Variants in DOCK7 observed in about 807,000 individuals in gnomAD.
The protein encoded by DOCK7 is dedicator of cytokinesis 7, also known as dedicator of cytokinesis protein 7.
Under a neutral mutation model 271.0 loss-of-function variants are expected in DOCK7, and 138 were observed. That is an observed-to-expected ratio of 0.51 (90% CI 0.44 to 0.59). The LOEUF is 0.59. DOCK7 is among the 20% of genes least tolerant of loss of function. DOCK7 has a pLI of 0.00. For synonymous variants in DOCK7, 823 were observed against 876.1 expected (o/e 0.94, Z 1.07); for missense variants, 2,066 against 2,592.4 (o/e 0.80, Z 4.41).
At chr1:62,604,316 A>G in intron 14 of DOCK7, 1 of 1,538,456 alleles carries the variant, frequency 6.5e-7, no homozygotes, top group Non-Finnish European at 8.9e-7. Flanking sequence ...CTGCAATGAC[A>G]ACTTTTAAAA....
chr1:62,672,731 T>C (rs949344718), intron 1 of DOCK7, among the ~76,000 whole-genome samples: 14 of 152,116 alleles, frequency 9.2e-5, no homozygotes, highest in African/African-American at 2.9e-4. Flanking sequence ...AATTAAAAAA[T>C]AGATATTTTT....
chr1:62,649,623 A>G (rs1336724962), intron 4 of DOCK7, among the ~76,000 whole-genome samples: 2 of 152,196 alleles, frequency 1.3e-5, no homozygotes, highest in Non-Finnish European at 2.9e-5. Flanking sequence ...GAAAGCAAAG[A>G]ATGATTCATG....
At chr1:62,612,254 C>T (rs1651888884) in intron 14 of DOCK7, among the ~76,000 whole-genome samples, 1 of 152,048 alleles carries the variant, frequency 6.6e-6, no homozygotes, top group Non-Finnish European at 1.5e-5. Context: ...AAAAATATTA[C>T]CAACAAAACA....
intron 20 of DOCK7, 110 bp from the exon 21 acceptor site, chr1:62,556,099 C>A: frequency 9.3e-7 from 1 of 1,074,744 alleles, no homozygotes; most frequent in Non-Finnish European, 1.4e-6. Context: ...AGTGACTACA[C>A]AGTAAGTGTA....
At chr1:62,526,125 G>A (rs1370408584) in intron 31 of DOCK7, among the ~76,000 whole-genome samples, 1 of 152,064 alleles carries the variant, frequency 6.6e-6, no homozygotes, top group African/African-American at 2.4e-5. Context: ...GTTTTGGATA[G>A]AAACAGAGTT....
At chr1:62,562,366 G>C (rs1455896378) in intron 18 of DOCK7, among the ~76,000 whole-genome samples, 1 of 149,814 alleles carries the variant, frequency 6.7e-6, no homozygotes, top group Non-Finnish European at 1.5e-5. Flanking sequence ...CGAATAACTG[G>C]GACACGCCCA....
chr1:62,642,182 C>T (rs577917894), intron 7 of DOCK7, among the ~76,000 whole-genome samples: 2 of 151,104 alleles, frequency 1.3e-5, no homozygotes, highest in South Asian at 4.2e-4. Flanking sequence ...GATCTCTACT[C>T]ACTGAAACCT....
At chr1:62,650,221 T>C (rs988329256) in intron 4 of DOCK7, among the ~76,000 whole-genome samples, 1 of 152,242 alleles carries the variant, frequency 6.6e-6, no homozygotes, top group Non-Finnish European at 1.5e-5. Context: ...TGTTGGTTTA[T>C]TGTCTATTGA....
chr1:62,622,823 G>A (rs912797452), intron 12 of DOCK7, among the ~76,000 whole-genome samples: 5 of 151,996 alleles, frequency 3.3e-5, no homozygotes, highest in Non-Finnish European at 7.4e-5. Flanking sequence ...CCAGCTACTC[G>A]GGAGGCTGAG....
chr1:62,528,188 T>C lies in DOCK7; in HGVS notation c.3899A>G (p.Gln1300Arg), dbSNP rs1169756185. ...GAGGAAACTGCCAGGCCTTGTTAGTTGAGGGACCGATGTCCCTGCGATTGC... is the reference window on the plus strand; with the variant it reads ...GAGGAAACTGCCAGGCCTTGTTAGTCGAGGGACCGATGTCCCTGCGATTGC... ...AMAIAGTSVPQLTRPGSFLLT... is the reference protein window; with the variant it reads ...AMAIAGTSVPRLTRPGSFLLT... The change falls in exon 31 of 50, where the codon CAA (glutamine) becomes CGA (arginine). Residue 1300 changes from glutamine to arginine, a missense_variant. Physicochemically the swap from Gln to Arg is conservative, Grantham distance 43. Coordinates refer to ENST00000635253, the MANE Select transcript of DOCK7 (RefSeq NM_001367561.1). The C allele has an allele frequency of 6.2e-7, 1 of 1,613,524 alleles. No individual in the cohort carries two copies. The highest frequency in any genetic ancestry group is 8.5e-7 in the Non-Finnish European group (1 of 1,179,754).
chr1:62,674,548 T>C (rs1197671126), intron 1 of DOCK7, among the ~76,000 whole-genome samples: 2 of 152,208 alleles, frequency 1.3e-5, no homozygotes, highest in African/African-American at 4.8e-5. Context: ...CTTACAAATT[T>C]CAAATTTTAC....
Position 62,495,831 on chromosome 1 carries a change from G to A in DOCK7, c.4924-150C>T, listed in dbSNP as rs971975263. The A allele has an allele frequency of 2.6e-5, 15 of 566,048 alleles. No individual in the cohort carries two copies. The East Asian group carries it at 3.1e-4, about 12-fold the overall frequency. The allele number at this position is 566,048 out of a possible 1,614,324, so 35.1% of individuals were successfully genotyped here. ...TGATTCTGTACAGTATAGGTATGTGGGGATATGGTAAGTGAAGGGTAGTAA... is the reference window on the plus strand; with the variant it reads ...TGATTCTGTACAGTATAGGTATGTGAGGATATGGTAAGTGAAGGGTAGTAA... On this transcript the variant is annotated intron_variant, in intron 38 of 49. Coordinates refer to ENST00000635253, the MANE Select transcript of DOCK7 (RefSeq NM_001367561.1).
chr1:62,594,834 T>C (rs1245288986), intron 14 of DOCK7, among the ~76,000 whole-genome samples: 2 of 152,194 alleles, frequency 1.3e-5, no homozygotes, highest in Admixed American at 6.5e-5. Flanking sequence ...AGCTGGCCCA[T>C]CTATATTCTC....
Position 62,648,291 on chromosome 1 carries a change from T to C in DOCK7, c.547A>G (p.Ile183Val). The stretch of plus-strand genomic sequence containing the variant: ...CAGCTACCCCTTGGGGTATCATCTA[T>C]TGACATTGAACGTCTTTTAAGGTCA... ...QDDLKRRSMS[I>V]DDTPRGSWAC... The change falls in exon 6 of 50, where the codon ATA becomes GTA. Residue 183 changes from isoleucine (I) to valine (V), a missense_variant. Transcript: ENST00000635253. 3 of 1,612,882 alleles carry C rather than the reference T, an allele frequency of 1.9e-6. No homozygotes were observed. The highest frequency in any genetic ancestry group is 1.1e-5 in the South Asian group (1 of 90,910).
intron 9 of DOCK7, 68 bp from the exon 10 acceptor site, chr1:62,633,646 C>T (rs892666479): frequency 1.9e-5 from 20 of 1,080,108 alleles, no homozygotes; most frequent in African/African-American, 1.7e-4. Flanking sequence ...GTTCAATATA[C>T]GAAAATCAAT....
intron 11 of DOCK7, among the ~76,000 whole-genome samples, chr1:62,630,208 C>T (rs1654448624): frequency 6.6e-6 from 1 of 152,106 alleles, no homozygotes; most frequent in African/African-American, 2.4e-5. Context: ...AAATCTAGGC[C>T]ATACATGGAA....
chr1:62,647,221 TA>T (rs1367863814), intron 7 of DOCK7, among the ~76,000 whole-genome samples: 1 of 152,178 alleles, frequency 6.6e-6, no homozygotes, highest in Non-Finnish European at 1.5e-5. Flanking sequence ...AATGTAAACA[TA>T]ACACCTCAAT....
chr1:62,628,370 TGGGATG>T (rs1654205612), intron 11 of DOCK7: 1 of 152,192 alleles, frequency 6.6e-6, no homozygotes, highest in Admixed American at 6.5e-5. Flanking sequence ...ATCAGTGGAA[TGGGATG>T]GAGAGTCCAG....
At chr1:62,498,092 T>TA (rs1646674372) in intron 37 of DOCK7, among the ~76,000 whole-genome samples, 1 of 151,776 alleles carries the variant, frequency 6.6e-6, no homozygotes, top group Non-Finnish European at 1.5e-5. Context: ...TTTTTTTTTT[T>TA]AATTAGCTAG....
Sources: allele counts gnomAD v4.1 joint callset (sites outside exome capture counted in the v4.1 genomes callset), GRCh38; gene constraint gnomAD v4.1.1; transcripts MANE v1.5; gene names NCBI Gene and HGNC (gene_info 2026-07-23, HGNC 2026-07-21).